Variants in RALYL observed in about 807,000 individuals in gnomAD.
The protein encoded by RALYL is RNA-binding Raly-like protein.
In RALYL, 29 loss-of-function variants were observed where a neutral mutation model predicts 35.1. The observed-to-expected ratio is 0.83, with a 90% CI of 0.61 to 1.13. RALYL has a LOEUF of 1.13. Among genes scored for constraint, RALYL ranks in the 50% most tolerant of loss-of-function variants. The pLI is 0.00. For synonymous variants in RALYL, 120 were observed against 127.6 expected (o/e 0.94, Z 0.40); for missense variants, 359 against 360.4 (o/e 1.00, Z 0.03).
At chr8:84,841,184 A>G (rs1833231902) in intron 4 of RALYL, among the ~76,000 whole-genome samples, 1 of 152,200 alleles carries the variant, frequency 6.6e-6, no homozygotes, top group African/African-American at 2.4e-5. Flanking sequence ...AATTGGATAA[A>G]GAGTCAAGAC....
chr8:84,315,212 T>A (rs1843510186), intron 1 of RALYL, among the ~76,000 whole-genome samples: 1 of 152,142 alleles, frequency 6.6e-6, no homozygotes. Context: ...ATATTATATA[T>A]GCATATTCCC....
intron 1 of RALYL, among the ~76,000 whole-genome samples, chr8:84,325,199 A>G (rs1189833708): frequency 1.3e-5 from 2 of 152,132 alleles, no homozygotes; most frequent in South Asian, 2.1e-4. Context: ...GCTCTCAGAT[A>G]CTGTATTCAA....
At chr8:84,227,493 TTC>T (rs1824223851) in intron 1 of RALYL, among the ~76,000 whole-genome samples, 1 of 152,180 alleles carries the variant, frequency 6.6e-6, no homozygotes. Flanking sequence ...TGAGAGAGAA[TTC>T]AACAGGTATT....
intron 1 of RALYL, among the ~76,000 whole-genome samples, chr8:84,493,941 C>A (rs760872457): frequency 6.6e-6 from 1 of 151,998 alleles, no homozygotes; most frequent in Non-Finnish European, 1.5e-5. Context: ...GCTTTTGTTG[C>A]CATTGATTTT....
chr8:84,599,088 T>C (rs1815283574), intron 2 of RALYL, among the ~76,000 whole-genome samples: 1 of 152,130 alleles, frequency 6.6e-6, no homozygotes. Context: ...TTAGGGACAC[T>C]GTAAAACATA....
chr8:84,551,837 G>A, intron 2 of RALYL, among the ~76,000 whole-genome samples: 1 of 152,038 alleles, frequency 6.6e-6, no homozygotes, highest in Non-Finnish European at 1.5e-5. Context: ...ACCCTAGCTT[G>A]GACCAAGATG....
At chr8:84,739,058 G>A (rs116924778) in intron 2 of RALYL, among the ~76,000 whole-genome samples, 1,710 of 151,920 alleles carry the variant, frequency 0.011, 14 homozygotes, top group Middle Eastern at 0.027. Flanking sequence ...ATAAGATAAT[G>A]GAAATTCAAA....
intron 4 of RALYL, among the ~76,000 whole-genome samples, chr8:84,820,002 T>A (rs1163425881): frequency 6.6e-6 from 1 of 152,160 alleles, no homozygotes; most frequent in Non-Finnish European, 1.5e-5. Flanking sequence ...TTTGATGAGA[T>A]CTTTCATCAC....
chr8:84,310,103 C>A (rs1417938724), intron 1 of RALYL, among the ~76,000 whole-genome samples: 2 of 151,620 alleles, frequency 1.3e-5, no homozygotes, highest in Non-Finnish European at 1.5e-5. Flanking sequence ...GGCTGGAGTG[C>A]AATGGCATGA....
intron 8 of RALYL, among the ~76,000 whole-genome samples, chr8:84,918,201 T>C (rs1292317613): frequency 6.6e-6 from 1 of 152,078 alleles, no homozygotes; most frequent in East Asian, 1.9e-4. Flanking sequence ...GCATTCCTGC[T>C]ACTGAAGAAG....
At chr8:84,479,176 C>T (rs920161881) in intron 1 of RALYL, among the ~76,000 whole-genome samples, 4 of 134,410 alleles carry the variant, frequency 3.0e-5, no homozygotes, top group Non-Finnish European at 1.6e-5. Flanking sequence ...ATCTCATATA[C>T]TTTTGTAGAT....
chr8:84,201,008 A>G lies in RALYL; in HGVS notation c.-24+16584A>G, dbSNP rs535285311. On this transcript the variant is annotated intron_variant, in intron 1 of 8. Coordinates refer to ENST00000521268, the MANE Select transcript of RALYL (RefSeq NM_173848.7). ...TGTCACAAGGCATTATATAATGTAT[A>G]AGAATGGAGCTTACAGTGCAGAAGG... 3.9e-5 allele frequency among the ~76,000 whole-genome samples: 6 copies of G among 152,294 alleles called. No homozygotes were observed. In the South Asian group the frequency reaches 1.0e-3, roughly 26 times the overall value.
chr8:84,752,477 G>T (rs936014133), intron 2 of RALYL, among the ~76,000 whole-genome samples: 1 of 152,206 alleles, frequency 6.6e-6, no homozygotes, highest in African/African-American at 2.4e-5. Context: ...GCAGGCTGCA[G>T]AAATTTGCAT....
intron 4 of RALYL, among the ~76,000 whole-genome samples, chr8:84,812,251 C>T (rs185814856): frequency 5.2e-4 from 79 of 152,256 alleles, no homozygotes; most frequent in Admixed American, 4.1e-3. Flanking sequence ...AGCCGAACTA[C>T]ACTGATTGTT....
At chr8:84,184,729 C>T (rs1261092699) in intron 1 of RALYL, 2 of 400,928 alleles carry the variant, frequency 5.0e-6, no homozygotes, top group Non-Finnish European at 8.7e-6. Context: ...CGGGCCGCGC[C>T]GGCCGGGCAC....
chr8:84,579,832 C>T (rs1013546807), intron 2 of RALYL, among the ~76,000 whole-genome samples: 2 of 152,138 alleles, frequency 1.3e-5, no homozygotes, highest in Admixed American at 6.5e-5. Flanking sequence ...CAGTCTAGTG[C>T]TGTCACATAG....
intron 2 of RALYL, among the ~76,000 whole-genome samples, chr8:84,579,261 C>T (rs1434785798): frequency 1.3e-5 from 2 of 152,192 alleles, no homozygotes; most frequent in African/African-American, 4.8e-5. Context: ...GGCTTGGCCA[C>T]AACTTTGCTC....
At chr8:84,470,616 T>C (rs115931257) in intron 1 of RALYL, among the ~76,000 whole-genome samples, 2,518 of 152,306 alleles carry the variant, frequency 0.017, 70 homozygotes, top group African/African-American at 0.057. Flanking sequence ...CCTGCCAGCC[T>C]ATTGTGAGGT....
Position 84,346,806 on chromosome 8 carries a change from C to T in RALYL, c.-24+162382C>T, listed in dbSNP as rs972415346. On this transcript the variant is annotated intron_variant, in intron 1 of 8. Transcript: ENST00000521268. ...TTTATTGGAGAACTAAAAATTGATACAATCCATAGCTTGAAAGTAAAAATG... is the reference window on the plus strand; with the variant it reads ...TTTATTGGAGAACTAAAAATTGATATAATCCATAGCTTGAAAGTAAAAATG... 2.6e-5 allele frequency among the ~76,000 whole-genome samples: 4 copies of T among 152,184 alleles called. No homozygotes were observed. In the South Asian group the frequency reaches 6.2e-4, roughly 24 times the overall value.
Sources: allele counts gnomAD v4.1 joint callset (sites outside exome capture counted in the v4.1 genomes callset), GRCh38; gene constraint gnomAD v4.1.1; transcripts MANE v1.5; gene names NCBI Gene and HGNC (gene_info 2026-07-23, HGNC 2026-07-21).